The following FGF1 variants were observed in gnomAD, a reference collection of about 807,000 sequenced individuals.
The protein encoded by FGF1 is beta-endothelial cell growth factor.
Under a neutral mutation model 13.4 loss-of-function variants are expected in FGF1, and 9 were observed. The observed-to-expected ratio is 0.67, with a 90% confidence interval of 0.40 to 1.17. FGF1 has a LOEUF of 1.17. Ranked by LOEUF, FGF1 falls within the 50% of genes most tolerant of loss-of-function variation. The pLI is 0.01. For synonymous variants in FGF1, 93 were observed against 79.0 expected, an observed-to-expected ratio of 1.18 and a Z score of -0.94; for missense variants, 156 against 192.7, an observed-to-expected ratio of 0.81 and a Z score of 1.13.
At chr5:142,660,417 G>C (rs1768998520) in intron 1 of FGF1, among the ~76,000 whole-genome samples, 1 of 152,220 alleles carries the variant, frequency 6.6e-6, no homozygotes, top group Non-Finnish European at 1.5e-5. Context: ...GGCTGGGTCA[G>C]GGCCCAGGGC....
chr5:142,608,539 CATCTAT>C lies in FGF1; in HGVS notation c.169+5414_169+5419del, dbSNP rs1250819524. On this transcript the variant is annotated intron_variant, in intron 2 of 3. Coordinates refer to ENST00000337706, the MANE Select transcript of FGF1 (RefSeq NM_000800.5). Reference sequence around the variant, plus strand: ...ATACATATATATAAATATATATACACATCTATATATATATATATATATATATATATA... The same window carrying C: ...ATACATATATATAAATATATATACACATATATATATATATATATATATATA... Among the ~76,000 whole-genome samples, 13 of 72,062 alleles carry C rather than the reference CATCTAT, an allele frequency of 1.8e-4. No homozygotes were observed. The South Asian group carries it at 4.3e-3, about 24-fold the overall frequency. 47.3% of individuals were successfully genotyped at this position (72,062 alleles called of 152,430 possible).
intron 2 of FGF1, among the ~76,000 whole-genome samples, chr5:142,696,518 C>T (rs1261159766): frequency 6.6e-6 from 1 of 152,180 alleles, no homozygotes; most frequent in Non-Finnish European, 1.5e-5. Context: ...GAAAGGGAAG[C>T]ACCTGTTCTT....
In FGF1 at chr5:142,614,026, C is replaced by T. The variant is rs1282606639; in HGVS notation, c.102G>A (p.Gly34=). ...CCGGAAGGATCCTCAGGAAGTGGCCCCCGTTGCTACAGTAGAGGAGTTTGG... is the reference window on the plus strand; with the variant it reads ...CCGGAAGGATCCTCAGGAAGTGGCCTCCGTTGCTACAGTAGAGGAGTTTGG... The part of the protein sequence containing the change: ...KKPKLLYCSN[G]GHFLRILPDG... Residue 34 remains glycine (G), a synonymous_variant, in exon 2 of 4, where the codon GGG becomes GGA. Transcript: ENST00000337706. The T allele has an allele frequency of 2.5e-6, 4 of 1,614,010 alleles. No individual in the cohort carries two copies. Among genetic ancestry groups the T allele is most frequent in the Non-Finnish European group, 3.4e-6 (4 of 1,180,024 alleles).
intron 1 of FGF1, among the ~76,000 whole-genome samples, chr5:142,672,948 T>C (rs1001181636): frequency 6.6e-6 from 1 of 152,214 alleles, no homozygotes; most frequent in East Asian, 1.9e-4. Context: ...TTCAGTTCCA[T>C]CATCAGTGAA....
intron 2 of FGF1, among the ~76,000 whole-genome samples, chr5:142,693,212 G>A (rs566569316): frequency 6.2e-4 from 95 of 152,298 alleles, no homozygotes; most frequent in African/African-American, 2.2e-3. Flanking sequence ...TACAGGGTGA[G>A]ATCACATCCT....
intron 1 of FGF1, among the ~76,000 whole-genome samples, chr5:142,665,430 C>T (rs1770119046): frequency 6.6e-6 from 1 of 152,158 alleles, no homozygotes; most frequent in Non-Finnish European, 1.5e-5. Flanking sequence ...TACTGGCTCA[C>T]TCCTCCTTGG....
At chr5:142,664,611 G>A (rs1208011224) in intron 1 of FGF1, among the ~76,000 whole-genome samples, 1 of 152,188 alleles carries the variant, frequency 6.6e-6, no homozygotes, top group East Asian at 1.9e-4. Context: ...CCAATTTACT[G>A]TATCTTAGAT....
At chr5:142,612,764 T>C (rs1759348642) in intron 2 of FGF1, among the ~76,000 whole-genome samples, 2 of 152,042 alleles carry the variant, frequency 1.3e-5, no homozygotes, top group African/African-American at 2.4e-5. Context: ...GCTCCTCATC[T>C]CCAGGGTCTG....
At chr5:142,608,685 G>T (rs1758360497) in intron 2 of FGF1, among the ~76,000 whole-genome samples, 1 of 142,156 alleles carries the variant, frequency 7.0e-6, no homozygotes, top group Non-Finnish European at 1.5e-5. Flanking sequence ...GGAAAATTTT[G>T]ATACAGTCCA....
intron 1 of FGF1, among the ~76,000 whole-genome samples, chr5:142,677,655 G>A (rs368353296): frequency 1.3e-5 from 2 of 152,236 alleles, no homozygotes; most frequent in Admixed American, 6.5e-5. Flanking sequence ...AGGGTAGAAG[G>A]TCCCATTGCT....
chr5:142,624,339 T>A (rs1762126006), intron 1 of FGF1, among the ~76,000 whole-genome samples: 1 of 152,206 alleles, frequency 6.6e-6, no homozygotes, highest in Non-Finnish European at 1.5e-5. Context: ...AGTGCTGGGA[T>A]TACAGGCATA....
upstream of FGF1, among the ~76,000 whole-genome samples, chr5:142,689,668 A>G (rs1308971473): frequency 7.0e-6 from 1 of 142,522 alleles, no homozygotes; most frequent in Non-Finnish European, 1.5e-5. Context: ...TCTGTCGCCT[A>G]TTCTACTGTG....
chr5:142,618,924 GTTTTGTTTT>G (rs1220760025), intron 1 of FGF1, among the ~76,000 whole-genome samples: 1 of 78,324 alleles, frequency 1.3e-5, no homozygotes, highest in African/African-American at 4.7e-5. Context: ...TTTTTTAGTT[GTTTTGTTTT>G]TTTTTTTTTT....
chr5:142,599,451 C>T (rs2299020), intron 3 of FGF1, among the ~76,000 whole-genome samples: 14,089 of 152,066 alleles, frequency 0.093, 1,231 homozygotes, highest in African/African-American at 0.23. Context: ...CTTGGCAATT[C>T]GATGTAAGTT....
chr5:142,653,619 T>C (rs886978275), intron 1 of FGF1, among the ~76,000 whole-genome samples: 1 of 152,242 alleles, frequency 6.6e-6, no homozygotes, highest in Non-Finnish European at 1.5e-5. Flanking sequence ...GAATTAACCC[T>C]GACCCATCTT....
chr5:142,612,065 G>A (rs183152938), intron 2 of FGF1, among the ~76,000 whole-genome samples: 1 of 152,328 alleles, frequency 6.6e-6, no homozygotes, highest in Admixed American at 6.5e-5. Context: ...AAAAGTGAGG[G>A]TGAAAGGTGC....
chr5:142,664,817 C>A (rs1769990559), intron 1 of FGF1, among the ~76,000 whole-genome samples: 1 of 152,172 alleles, frequency 6.6e-6, no homozygotes, highest in African/African-American at 2.4e-5. Flanking sequence ...CCGCTGCTAA[C>A]AGCAGTAAGA....
chr5:142,663,867 T>C (rs764560154), intron 1 of FGF1, among the ~76,000 whole-genome samples: 29 of 151,946 alleles, frequency 1.9e-4, no homozygotes, highest in Non-Finnish European at 2.9e-4. Context: ...TTAAGACACT[T>C]GGAGAGATGA....
At chr5:142,625,567 T>G (rs988056262) in intron 1 of FGF1, among the ~76,000 whole-genome samples, 5 of 152,162 alleles carry the variant, frequency 3.3e-5, no homozygotes, top group Admixed American at 1.3e-4. Flanking sequence ...CCATTCTGTC[T>G]GAACTTTAAT....
Sources: allele counts gnomAD v4.1 joint callset (sites outside exome capture counted in the v4.1 genomes callset), GRCh38; gene constraint gnomAD v4.1.1; transcripts MANE v1.5; gene names NCBI Gene and HGNC (gene_info 2026-07-23, HGNC 2026-07-21).